Variants in CLDN10 observed in about 807,000 individuals in gnomAD.
CLDN10 encodes claudin-10.
In CLDN10, 15 loss-of-function variants were observed where a neutral mutation model predicts 22.9. The ratio of observed to expected loss-of-function variants is 0.65; its 90% CI spans 0.44 to 1.01. CLDN10 has a LOEUF of 1.01. CLDN10 is among the 50% of genes least tolerant of loss of function. CLDN10 has a pLI of 0.00. For missense variants in CLDN10, 247 were observed against 287.8 expected (o/e 0.86, Z 1.03); for synonymous variants, 114 against 111.4 (o/e 1.02, Z -0.15).
rs2042330822 is a variant in CLDN10 at position 95,442,197 on chromosome 13, G to GTACCAGAC, written c.214+8151_214+8158dup. On this transcript the variant is annotated intron_variant, in intron 1 of 4. Coordinates refer to the CLDN10 transcript ENST00000376873. ...TAACACAGGCAAAGTGTCTTATGTA[G>GTACCAGAC]TACCAGACACAAGGCTCTCCATAAA... 3.9e-5 allele frequency among the ~76,000 whole-genome samples: 6 copies of GTACCAGAC among 152,240 alleles called. No homozygotes were observed. In the South Asian group the frequency reaches 1.2e-3, roughly 32 times the overall value.
intron 3 of CLDN10, among the ~76,000 whole-genome samples, chr13:95,576,327 C>T (rs1298999071): frequency 6.6e-6 from 1 of 152,202 alleles, no homozygotes; most frequent in Non-Finnish European, 1.5e-5. Flanking sequence ...CTTTATTTTA[C>T]ACTGAAAAGC....
intron 1 of CLDN10, among the ~76,000 whole-genome samples, chr13:95,517,007 CT>C (rs1321497227): frequency 5.9e-4 from 87 of 146,420 alleles, no homozygotes; most frequent in African/African-American, 1.6e-3. Context: ...TCCTTCCTTC[CT>C]TCCTTCCTTC....
chr13:95,441,612 C>T (rs1248245357), intron 1 of CLDN10, among the ~76,000 whole-genome samples: 2 of 152,168 alleles, frequency 1.3e-5, no homozygotes. Flanking sequence ...GAAATGTGAT[C>T]CACCAGCCAG....
intron 1 of CLDN10, among the ~76,000 whole-genome samples, chr13:95,541,336 C>T (rs1323414184): frequency 6.6e-6 from 1 of 152,168 alleles, no homozygotes; most frequent in Non-Finnish European, 1.5e-5. Context: ...GAAACTGGGG[C>T]AGCTGGGGCA....
intron 1 of CLDN10, among the ~76,000 whole-genome samples, chr13:95,531,112 G>A (rs1218636304): frequency 6.6e-6 from 1 of 151,970 alleles, no homozygotes; most frequent in Non-Finnish European, 1.5e-5. Context: ...TAAAGACGGG[G>A]TTTCACCATG....
At chr13:95,571,180 A>G (rs1464051510) in intron 3 of CLDN10, among the ~76,000 whole-genome samples, 1 of 152,050 alleles carries the variant, frequency 6.6e-6, no homozygotes, top group East Asian at 1.9e-4. Context: ...TAATCAATCA[A>G]TGTTACCTGT....
intron 1 of CLDN10, among the ~76,000 whole-genome samples, chr13:95,530,795 A>G (rs1258838573): frequency 6.6e-6 from 1 of 152,158 alleles, no homozygotes; most frequent in African/African-American, 2.4e-5. Context: ...TCAAAGAATT[A>G]TTTTCTTTCT....
intron 3 of CLDN10, among the ~76,000 whole-genome samples, chr13:95,570,711 T>C (rs1391864310): frequency 2.6e-5 from 4 of 151,848 alleles, no homozygotes; most frequent in Non-Finnish European, 5.9e-5. Flanking sequence ...TTTCCTGTTC[T>C]GAATGTTAAG....
intron 1 of CLDN10, among the ~76,000 whole-genome samples, chr13:95,443,856 G>A (rs1292927943): frequency 6.6e-6 from 1 of 152,132 alleles, no homozygotes; most frequent in Non-Finnish European, 1.5e-5. Flanking sequence ...CGGGTTGGAG[G>A]AGCAGTTTCC....
chr13:95,436,677 A>G (rs969878449), intron 1 of CLDN10, among the ~76,000 whole-genome samples: 6 of 152,192 alleles, frequency 3.9e-5, no homozygotes, highest in African/African-American at 1.2e-4. Flanking sequence ...TAAATGATAC[A>G]CTTTGCTGCA....
In CLDN10 at chr13:95,579,386, C is replaced by A. The variant is rs1190336917; in HGVS notation, c.*1372C>A. The stretch of plus-strand genomic sequence containing the variant: ...AACAGTTATCACAGTTCATACACAC[C>A]TTTCATGTCCTGTCTCACTCACTCC... On this transcript the variant is annotated 3_prime_UTR_variant, in exon 5 of 5. Coordinates refer to ENST00000299339, the MANE Select transcript of CLDN10 (RefSeq NM_006984.5). 1 of 152,170 alleles carries A rather than the reference C, an allele frequency of 6.6e-6. No homozygotes were observed. Among genetic ancestry groups the A allele is most frequent in the Non-Finnish European group, 1.5e-5 (1 of 68,032 alleles). The allele number at this position is 152,170 out of a possible 1,614,324, so 9.4% of individuals were successfully genotyped here.
chr13:95,438,679 T>TA (rs2042295157), intron 1 of CLDN10, among the ~76,000 whole-genome samples: 1 of 151,990 alleles, frequency 6.6e-6, no homozygotes, highest in Non-Finnish European at 1.5e-5. Flanking sequence ...GGCCATGCCA[T>TA]AAAAATGGGG....
At chr13:95,447,464 G>T (rs943093916) in intron 1 of CLDN10, among the ~76,000 whole-genome samples, 1 of 152,116 alleles carries the variant, frequency 6.6e-6, no homozygotes, top group Admixed American at 6.5e-5. Flanking sequence ...TTTTCCTCGC[G>T]GCTGATGTCT....
rs144977981 is a variant in CLDN10 at position 95,498,803 on chromosome 13, G to A, written c.215-61329G>A. Among the ~76,000 whole-genome samples, 231 of 152,248 alleles carry A rather than the reference G, an allele frequency of 1.5e-3. 1 individual carries two copies. The highest frequency in any genetic ancestry group is 5.1e-3 in the African/African-American group (212 of 41,528). On this transcript the variant is annotated intron_variant, in intron 1 of 4. Coordinates refer to the CLDN10 transcript ENST00000376873. The stretch of plus-strand genomic sequence containing the variant: ...TGTATAGCTCAATAGTGTTAACTAC[G>A]TTCACATTGTTGCACAAGCAATTTC...
intron 1 of CLDN10, among the ~76,000 whole-genome samples, chr13:95,484,646 C>T (rs2042782799): frequency 6.8e-6 from 1 of 148,092 alleles, no homozygotes; most frequent in African/African-American, 2.5e-5. Flanking sequence ...AGTTCAAGAC[C>T]AGCCTGGCCA....
At chr13:95,434,426 C>CCTCT (rs56066236) in intron 1 of CLDN10, among the ~76,000 whole-genome samples, 37 of 147,698 alleles carry the variant, frequency 2.5e-4, no homozygotes, top group Non-Finnish European at 5.1e-4. Context: ...TCCCTCTCTT[C>CCTCT]CTCTCTCTCT....
intron 1 of CLDN10, among the ~76,000 whole-genome samples, chr13:95,485,513 C>G (rs1284858140): frequency 1.3e-5 from 2 of 152,180 alleles, no homozygotes; most frequent in Non-Finnish European, 2.9e-5. Context: ...CAAATCTGAT[C>G]TGGCCAAACA....
intron 1 of CLDN10, among the ~76,000 whole-genome samples, chr13:95,494,639 C>T (rs1188669466): frequency 6.6e-6 from 1 of 152,092 alleles, no homozygotes; most frequent in African/African-American, 2.4e-5. Context: ...CAATTGATTG[C>T]TGTGTTAAAT....
In CLDN10 at chr13:95,560,243, A is replaced by G. The variant is rs1180244787; in HGVS notation, c.332A>G (p.Lys111Arg). 1.9e-6 allele frequency: 3 copies of G among 1,614,174 alleles called. No individual in the cohort carries two copies. In the Admixed American group the frequency reaches 5.0e-5, roughly 27 times the overall value. Residue 111 changes from lysine to arginine, a missense_variant, in exon 2 of 5, where the codon AAA becomes AGA. By Grantham distance (26) the Lys-to-Arg change is conservative. Coordinates refer to ENST00000299339, the MANE Select transcript of CLDN10 (RefSeq NM_006984.5). Reference sequence around the variant, plus strand: ...TGTACCAAAGTCGGAGGCTCCGATAAAGCCAAAGCTAAAATTGCTTGTTTG... The same window carrying G: ...TGTACCAAAGTCGGAGGCTCCGATAGAGCCAAAGCTAAAATTGCTTGTTTG... ...MKCTKVGGSD[K>R]AKAKIACLAG...
Sources: gnomAD v4.1 joint callset for allele counts (sites outside exome capture counted in the v4.1 genomes callset) on GRCh38, gnomAD v4.1.1 for gene constraint, MANE v1.5 for transcripts, NCBI Gene and HGNC (gene_info 2026-07-23, HGNC 2026-07-21) for gene names.